Variants in GNG7 observed in about 807,000 individuals in gnomAD.
GNG7 encodes the protein guanine nucleotide-binding protein G(I)/G(S)/G(O) subunit gamma-7.
Under a neutral mutation model 4.0 loss-of-function variants are expected in GNG7, and 1 was observed. The ratio of observed to expected loss-of-function variants is 0.25; its 90% CI spans 0.09 to 1.18. The LOEUF is 1.18. GNG7 is among the 50% of genes most tolerant of loss of function. The probability of loss-of-function intolerance (pLI) is 0.50; values close to 1 mark genes in which losing one functional copy is unlikely to be tolerated. For missense variants in GNG7, 86 were observed against 91.9 expected, an observed-to-expected ratio of 0.94 and a Z score of 0.26; for synonymous variants, 34 against 36.9, an observed-to-expected ratio of 0.92 and a Z score of 0.29.
chr19:2,590,469 TCATCCACCCATCTGTTCATC>T (rs1766112886), intron 2 of GNG7, among the ~76,000 whole-genome samples: 1 of 138,308 alleles, frequency 7.2e-6, no homozygotes, highest in African/African-American at 2.7e-5. Flanking sequence ...ATCTATCCAT[TCATCCACCCATCTGTTCATC>T]CATCCATCCA....
At chr19:2,647,585 G>A (rs1281143373) in intron 1 of GNG7, among the ~76,000 whole-genome samples, 1 of 152,128 alleles carries the variant, frequency 6.6e-6, no homozygotes, top group Non-Finnish European at 1.5e-5. Context: ...GGGTGTAGTG[G>A]TGCCCGCCTG....
At chr19:2,581,590 C>G (rs1161894765) in intron 2 of GNG7, among the ~76,000 whole-genome samples, 1 of 152,114 alleles carries the variant, frequency 6.6e-6, no homozygotes, top group Non-Finnish European at 1.5e-5. Flanking sequence ...CTCCCAATGC[C>G]CACTTCTGCA....
chr19:2,648,219 T>G (rs55934701), intron 1 of GNG7, among the ~76,000 whole-genome samples: 74,452 of 151,362 alleles, frequency 0.49, 18,339 homozygotes, highest in African/African-American at 0.54. Flanking sequence ...AGACCCCATC[T>G]GCCATCTCTA....
intron 2 of GNG7, among the ~76,000 whole-genome samples, chr19:2,580,993 G>T (rs1042392316): frequency 6.6e-6 from 1 of 151,944 alleles, no homozygotes; most frequent in African/African-American, 2.4e-5. Flanking sequence ...TTGAACTCCC[G>T]ATCCTAGATG....
intron 3 of GNG7, among the ~76,000 whole-genome samples, chr19:2,553,930 TTGTA>T (rs1279678195): frequency 1.2e-4 from 17 of 137,642 alleles, no homozygotes; most frequent in Admixed American, 2.3e-4. Context: ...ATGTAATATA[TTGTA>T]TGTAATATAT....
At chr19:2,595,190 TG>T (rs1258987656) in intron 2 of GNG7, 2 of 149,922 alleles carry the variant, frequency 1.3e-5, no homozygotes, top group Non-Finnish European at 3.0e-5. Flanking sequence ...TGCAGTGGCG[TG>T]ATCTTGGCTC....
chr19:2,516,892 C>G (rs1972744271), intron 4 of GNG7: 2 of 152,480 alleles, frequency 1.3e-5, no homozygotes, highest in African/African-American at 4.8e-5. Flanking sequence ...ACGCCCGTCT[C>G]TCCTGGCCAT....
intron 2 of GNG7, among the ~76,000 whole-genome samples, chr19:2,638,520 GGAAGGGAAGAGGGAGGGGAGGA>G (rs1316229756): frequency 1.2e-4 from 3 of 26,032 alleles, no homozygotes; most frequent in Admixed American, 2.6e-4. Context: ...GGAGGGGAGG[GGAAGGGAAGAGGGAGGGGAGGA>G]GAAGGGAAGG....
rs1981785032 is a variant in GNG7, at chr19:2,618,594, C to A, written c.-78+27630G>T. 6.6e-6 allele frequency among the ~76,000 whole-genome samples: 1 copy of A among 152,080 alleles called. No individual in the cohort carries two copies. Among genetic ancestry groups the A allele is most frequent in the African/African-American group, 2.4e-5 (1 of 41,408 alleles). On this transcript the variant is annotated intron_variant, in intron 2 of 4. Transcript: ENST00000382159. This position sits in a 1 kb window ranked among gnomAD's most constrained non-coding sequence, Gnocchi z 5.1. Reference sequence around the variant, plus strand: ...GAACTCCTGACCTCAAATGATCCACCCGCCTCGGCCTCCCAAAGTGCTGGG... The same window carrying A: ...GAACTCCTGACCTCAAATGATCCACACGCCTCGGCCTCCCAAAGTGCTGGG...
At position 2,614,986 on chromosome 19, in the gene GNG7, G is replaced by A. The variant is rs73526891; in HGVS notation, c.-78+31238C>T. Among the ~76,000 whole-genome samples, 8,186 of 152,188 alleles carry A rather than the reference G, an allele frequency of 0.054. 291 individuals carry two copies. Among genetic ancestry groups the A allele is most frequent in the African/African-American group, 0.11 (4,452 of 41,520 alleles). ...GCAGCTGATTGTTGAAGGTCACCCCGTAGCCATTGGCAGAGCCAGAACTTG... is the reference window on the plus strand; with the variant it reads ...GCAGCTGATTGTTGAAGGTCACCCCATAGCCATTGGCAGAGCCAGAACTTG... On this transcript the variant is annotated intron_variant, in intron 2 of 4. Transcript: ENST00000382159. This position sits in a 1 kb window ranked among gnomAD's most constrained non-coding sequence, Gnocchi z 6.0.
Position 2,511,926 on chromosome 19 carries a change from A to C in GNG7, c.*3096T>G. The C allele has an allele frequency of 1.0e-6, 1 of 986,084 alleles. No individual in the cohort carries two copies. Among genetic ancestry groups the C allele is most frequent in the African/African-American group, 1.7e-5 (1 of 57,350 alleles). The allele number at this position is 986,084 out of a possible 1,614,324, so 61.1% of individuals were successfully genotyped here. On this transcript the variant is annotated 3_prime_UTR_variant, in exon 5 of 5. Coordinates refer to ENST00000382159, the MANE Select transcript of GNG7 (RefSeq NM_052847.3). The surrounding 1 kb of genome is among the most constrained non-coding windows in gnomAD (Gnocchi z 6.3). Reference sequence around the variant, plus strand: ...CAGGGGAGGCGGAGCTGGTCCGGGAAGGTGCCCAGGTGGGTCACAACAGGG... The same window carrying C: ...CAGGGGAGGCGGAGCTGGTCCGGGACGGTGCCCAGGTGGGTCACAACAGGG...
At chr19:2,621,121 C>T (rs1260987633) in intron 2 of GNG7, among the ~76,000 whole-genome samples, 2 of 152,108 alleles carry the variant, frequency 1.3e-5, no homozygotes, top group East Asian at 3.8e-4. Flanking sequence ...TTCCTGAGAC[C>T]TGAGTAAAGC....
chr19:2,696,525 G>C (rs1434028943), intron 1 of GNG7, among the ~76,000 whole-genome samples: 2 of 152,224 alleles, frequency 1.3e-5, no homozygotes, highest in Non-Finnish European at 2.9e-5. Context: ...TTACATCCCA[G>C]CACTGTGCTC....
At chr19:2,691,723 T>C (rs1913139616) in intron 1 of GNG7, among the ~76,000 whole-genome samples, 2 of 149,732 alleles carry the variant, frequency 1.3e-5, no homozygotes, top group Non-Finnish European at 3.0e-5. Flanking sequence ...CAAAATTAGC[T>C]GGGCGTGGTG....
At chr19:2,649,484 G>T (rs1208956483) in intron 1 of GNG7, among the ~76,000 whole-genome samples, 1 of 150,742 alleles carries the variant, frequency 6.6e-6, no homozygotes, top group Non-Finnish European at 1.5e-5. Context: ...CCACCTCCCA[G>T]GTTCAAGCAA....
intron 2 of GNG7, among the ~76,000 whole-genome samples, chr19:2,579,150 C>T (rs1980428325): frequency 6.6e-6 from 1 of 152,266 alleles, no homozygotes; most frequent in South Asian, 2.1e-4. Flanking sequence ...TCAGCATCTG[C>T]GGGATGGGTG....
rs1313641371 is a variant in GNG7 at position 2,657,344 on chromosome 19, AAAAAAAAAAAAAAAAAAATATATATATAT to A, written c.-134-11093_-134-11065del. 7.5e-3 allele frequency among the ~76,000 whole-genome samples: 95 copies of A among 12,732 alleles called. 7 individuals are homozygous for A. Among genetic ancestry groups the A allele is most frequent in the South Asian group, 0.053 (13 of 246 alleles). The allele number at this position is 12,732 out of a possible 152,430, so 8.4% of individuals were successfully genotyped here. ...GCAAGACCCCGTCTCAATTAAAAAA[AAAAAAAAAAAAAAAAAAATATATATATAT>A]ATATATATATATATATATATATATA... On this transcript the variant is annotated intron_variant, in intron 1 of 4. Transcript: ENST00000382159.
chr19:2,619,640 T>A (rs925065286), intron 2 of GNG7, among the ~76,000 whole-genome samples: 1 of 152,086 alleles, frequency 6.6e-6, no homozygotes, highest in Non-Finnish European at 1.5e-5. Flanking sequence ...CTTGAGGACA[T>A]CACACTCTAT....
rs115371312 is a variant in GNG7 at position 2,513,358 on chromosome 19, C to T, written c.*1664G>A. ...CTACTACTTGCTTCTAGGCCAGCCC[C>T]GTGGAGGGGGTCGGGGCGGCCAGGC... is the stretch of plus-strand genomic sequence containing the variant. On this transcript the variant is annotated 3_prime_UTR_variant, in exon 5 of 5. Coordinates refer to ENST00000382159, the MANE Select transcript of GNG7 (RefSeq NM_052847.3). The T allele has an allele frequency of 5.8e-3, 2,360 of 404,664 alleles. 61 individuals are homozygous for T. Among genetic ancestry groups the T allele is most frequent in the African/African-American group, 0.047 (2,185 of 46,112 alleles). 25.1% of individuals were successfully genotyped at this position (404,664 alleles called of 1,614,324 possible). A position where few individuals can be genotyped will look rare whatever the true frequency, so the allele number is the denominator to read the frequency against.
Sources: gnomAD v4.1 joint callset for allele counts (sites outside exome capture counted in the v4.1 genomes callset) on GRCh38, gnomAD v4.1.1 for gene constraint, Gnocchi (gnomAD v3.1) non-coding constraint, MANE v1.5 for transcripts, NCBI Gene and HGNC (gene_info 2026-07-23, HGNC 2026-07-21) for gene names.